FOCAD: variants seen among roughly 807,000 people sequenced by gnomAD.
FOCAD encodes the protein KIAA1797.
FOCAD carries 198 observed loss-of-function variants against 225.6 expected under a neutral mutation model. The ratio of observed to expected loss-of-function variants is 0.88; its 90% CI spans 0.78 to 0.99. The LOEUF (loss-of-function observed/expected upper bound fraction) is 0.99, where lower values mean the gene tolerates loss of function less well. Among genes scored for constraint, FOCAD ranks in the 50% least tolerant of loss-of-function variants. The pLI is 0.00. For missense variants in FOCAD, 2,713 were observed against 2,123.6 expected (o/e 1.28, Z -5.46); for synonymous variants, 897 against 755.0 (o/e 1.19, Z -3.08).
intron 4 of FOCAD, among the ~76,000 whole-genome samples, chr9:20,737,502 A>G (rs1243259848): frequency 6.6e-6 from 1 of 152,238 alleles, no homozygotes; most frequent in Non-Finnish European, 1.5e-5. Flanking sequence ...TTACGAGGTT[A>G]CTAGGTGAAG....
intron 1 of FOCAD, among the ~76,000 whole-genome samples, chr9:20,690,675 G>A (rs1312484659): frequency 2.0e-5 from 3 of 152,040 alleles, no homozygotes; most frequent in Non-Finnish European, 4.4e-5. Flanking sequence ...TGCCTCCTGA[G>A]TAGCTAGGAC....
At chr9:20,721,274 A>T (rs1489434752) in intron 4 of FOCAD, among the ~76,000 whole-genome samples, 2 of 152,014 alleles carry the variant, frequency 1.3e-5, no homozygotes, top group African/African-American at 4.8e-5. Flanking sequence ...CCTCTCACCA[A>T]GCCTCCCTCC....
rs1837636910 is a variant in FOCAD at position 20,951,011 on chromosome 9, G to A, written c.3964G>A (p.Gly1322Arg). 2 of 1,612,996 alleles carry A rather than the reference G, an allele frequency of 1.2e-6. No individual in the cohort carries two copies. The highest frequency in any genetic ancestry group is 1.1e-5 in the South Asian group (1 of 91,016). The change falls in exon 34 of 44, where the codon GGG becomes AGG. Residue 1322 changes from glycine to arginine, a missense_variant. Coordinates refer to ENST00000338382, the MANE Select transcript of FOCAD (RefSeq NM_001375567.1). ...TTATTTGTAGGTCATTAGTGTCTCT[G>A]GGGTGATTGGTCTCCAGTCAAATGC... ...RTLTQVISVS[G>R]VIGLQSNAVW...
In FOCAD at chr9:20,705,924, GTTTTTTTTTTTTTTT is replaced by G. The variant is rs59407171; in HGVS notation, c.-32-9383_-32-9369del. Among the ~76,000 whole-genome samples the G allele has an allele frequency of 4.2e-3, 454 of 106,918 alleles. 4 individuals carry two copies. Among genetic ancestry groups the G allele is most frequent in the African/African-American group, 0.015 (438 of 28,926 alleles). The allele number at this position is 106,918 out of a possible 152,430, so 70.1% of individuals were successfully genotyped here. A position where few individuals can be genotyped will look rare whatever the true frequency, so the allele number is the denominator to read the frequency against. ...CTAGTTAGGCATTATTCAGTTTTAAGTTTTTTTTTTTTTTTTTTTTTTTTTTTTTAAACAGTGGCT... is the reference window on the plus strand; with the variant it reads ...CTAGTTAGGCATTATTCAGTTTTAAGTTTTTTTTTTTTTTAAACAGTGGCT... On this transcript the variant is annotated intron_variant, in intron 1 of 43. Transcript: ENST00000338382.
intron 18 of FOCAD, among the ~76,000 whole-genome samples, chr9:20,867,566 A>G (rs79178211): frequency 1.3e-5 from 2 of 152,192 alleles, no homozygotes; most frequent in East Asian, 3.9e-4. Flanking sequence ...ACATGATTGT[A>G]TATTATCTTA....
In FOCAD at chr9:20,823,114, A is replaced by T. The variant is rs745341525; in HGVS notation, c.1919A>T (p.Glu640Val). ...LQGLHALCQA[E>V]VVCIRSTWNA... ...GGTCTTCATGCACTCTGTCAAGCTG[A>T]GGTAGGCATTTTTAAATTGCTTTGG... Residue 640 changes from glutamate to valine, a missense_variant and splice_region_variant, in exon 15 of 44, where the codon GAG (glutamate) becomes GTG (valine). Physicochemically the swap from Glu to Val is moderately radical, Grantham distance 121. Coordinates refer to ENST00000338382, the MANE Select transcript of FOCAD (RefSeq NM_001375567.1). The T allele has an allele frequency of 6.2e-7, 1 of 1,604,236 alleles. No homozygotes were observed. The highest frequency in any genetic ancestry group is 1.7e-5 in the Admixed American group (1 of 57,828).
intron 35 of FOCAD, among the ~76,000 whole-genome samples, chr9:20,962,535 A>G (rs529136828): frequency 5.0e-4 from 76 of 152,240 alleles, no homozygotes; most frequent in African/African-American, 1.8e-3. Context: ...CACAAAAGCA[A>G]TATGCTAGCG....
At chr9:20,802,357 G>A (rs1821938936) in intron 11 of FOCAD, among the ~76,000 whole-genome samples, 1 of 152,018 alleles carries the variant, frequency 6.6e-6, no homozygotes, top group Non-Finnish European at 1.5e-5. Context: ...AGCTAAATAA[G>A]AGAAGTAAGG....
intron 32 of FOCAD, among the ~76,000 whole-genome samples, 191 bp from the exon 33 acceptor site, chr9:20,949,413 C>T (rs529314743): frequency 1.4e-4 from 22 of 152,098 alleles, no homozygotes; most frequent in African/African-American, 5.3e-4. Context: ...TGAACAGGTA[C>T]CAGGAAATCA....
intron 21 of FOCAD, 24 bp from the exon 22 acceptor site, chr9:20,907,126 T>C (rs752942917): frequency 7.1e-6 from 11 of 1,557,220 alleles, no homozygotes; most frequent in African/African-American, 1.4e-5. Context: ...TAGCCTAATA[T>C]GTTGTGGTAC....
At chr9:20,881,422 G>C (rs1830657154) in intron 19 of FOCAD, among the ~76,000 whole-genome samples, 1 of 152,196 alleles carries the variant, frequency 6.6e-6, no homozygotes, top group Admixed American at 6.5e-5. Context: ...AAAGCAACTG[G>C]AAGGTGTTAG....
In FOCAD at chr9:20,909,092, A is replaced by G. The variant is rs367620012; in HGVS notation, c.2718+1850A>G. ...TTAGCTCTTAGTGTAAGAAAGGCTA[A>G]ATTGAATAGGGTTATAGTATAATTC... On this transcript the variant is annotated intron_variant, in intron 22 of 43. Coordinates refer to ENST00000338382, the MANE Select transcript of FOCAD (RefSeq NM_001375567.1). 1.8e-4 allele frequency among the ~76,000 whole-genome samples: 28 copies of G among 152,230 alleles called. No individual in the cohort carries two copies. In the South Asian group the frequency reaches 5.6e-3, roughly 30 times the overall value.
At chr9:20,950,913 C>T in intron 33 of FOCAD, 83 bp from the exon 34 acceptor site, 2 of 1,174,742 alleles carry the variant, frequency 1.7e-6, no homozygotes, top group Non-Finnish European at 1.3e-6. Flanking sequence ...TCCTAAATGA[C>T]TGGTGACTTT....
chr9:20,790,460 G>A, intron 11 of FOCAD, among the ~76,000 whole-genome samples: 1 of 152,134 alleles, frequency 6.6e-6, no homozygotes, highest in East Asian at 1.9e-4. Context: ...GTAGAAAACG[G>A]GCAAATGTGT....
intron 11 of FOCAD, among the ~76,000 whole-genome samples, chr9:20,812,266 A>C (rs1258939585): frequency 1.3e-5 from 2 of 152,016 alleles, no homozygotes; most frequent in Non-Finnish European, 2.9e-5. Context: ...ATACTAATTT[A>C]TTACTATATA....
At chr9:20,785,251 A>G (rs1464680828) in intron 10 of FOCAD, among the ~76,000 whole-genome samples, 2 of 152,180 alleles carry the variant, frequency 1.3e-5, no homozygotes, top group Non-Finnish European at 2.9e-5. Flanking sequence ...TGTAATTCAC[A>G]TGCGCCCTTC....
intron 20 of FOCAD, 82 bp downstream of exon 20, chr9:20,882,138 C>T (rs2131843291): frequency 8.0e-7 from 1 of 1,247,270 alleles, no homozygotes; most frequent in Non-Finnish European, 1.1e-6. Flanking sequence ...TATAATGGGC[C>T]ATGGCAGGGT....
Position 20,866,917 on chromosome 9 carries a change from T to TTTTTAAA in FOCAD, c.2107-12_2107-11insTTTTAAA. 4 of 764,962 alleles carry TTTTTAAA rather than the reference T, an allele frequency of 5.2e-6. No individual in the cohort carries two copies. The highest frequency in any genetic ancestry group is 8.0e-6 in the Non-Finnish European group (4 of 498,462). 47.4% of individuals were successfully genotyped at this position (764,962 alleles called of 1,614,324 possible). Reference sequence around the variant, plus strand: ...TTTTTTTTTTTTTTTTTTTTTTTTTTACCCTATCTAGGACCCAATTGTAGC... The same window carrying TTTTTAAA: ...TTTTTTTTTTTTTTTTTTTTTTTTTTTTTTAAAACCCTATCTAGGACCCAATTGTAGC... On this transcript the variant is annotated splice_polypyrimidine_tract_variant and intron_variant, in intron 17 of 43. Transcript: ENST00000338382.
At chr9:20,727,400 C>G in intron 4 of FOCAD, among the ~76,000 whole-genome samples, 1 of 152,152 alleles carries the variant, frequency 6.6e-6, no homozygotes, top group East Asian at 1.9e-4. Flanking sequence ...CTACTGAACA[C>G]ATGTTACTTT....
Sources: gnomAD v4.1 joint callset for allele counts (sites outside exome capture counted in the v4.1 genomes callset) on GRCh38, gnomAD v4.1.1 for gene constraint, MANE v1.5 for transcripts, NCBI Gene and HGNC (gene_info 2026-07-23, HGNC 2026-07-21) for gene names.